DSCAML1: variants seen among roughly 807,000 people sequenced by gnomAD.
DSCAML1 encodes the protein DS cell adhesion molecule like 1, also known as cell adhesion molecule DSCAML1.
Under a neutral mutation model 200.5 loss-of-function variants are expected in DSCAML1, and 38 were observed. That is an observed-to-expected ratio of 0.19 (90% confidence interval 0.15 to 0.25). The LOEUF is 0.25. DSCAML1 is among the 10% of genes least tolerant of loss of function. The probability of loss-of-function intolerance (pLI) is 1.00; values close to 1 mark genes in which losing one functional copy is unlikely to be tolerated. For synonymous variants in DSCAML1, 1,215 were observed against 1,165.0 expected (o/e 1.04, Z -0.87); for missense variants, 2,223 against 2,858.8 (o/e 0.78, Z 5.07).
chr11:117,753,381 T>TG (rs1291812838), intron 3 of DSCAML1, among the ~76,000 whole-genome samples: 3 of 152,194 alleles, frequency 2.0e-5, no homozygotes, highest in African/African-American at 7.2e-5. Context: ...CTGCTATGTT[T>TG]GGGGCATGTC....
chr11:117,552,130 C>A (rs2050478830), intron 3 of DSCAML1, among the ~76,000 whole-genome samples: 1 of 151,916 alleles, frequency 6.6e-6, no homozygotes, highest in Admixed American at 6.5e-5. Context: ...GGTGGGCATG[C>A]ACCTGGAAGG....
chr11:117,605,944 C>T (rs1242989237), intron 3 of DSCAML1, among the ~76,000 whole-genome samples: 10 of 152,152 alleles, frequency 6.6e-5, no homozygotes, highest in Non-Finnish European at 2.9e-5. Flanking sequence ...GGGGTGTACA[C>T]CACCTAGTCC....
rs191815959 is a variant in DSCAML1, at chr11:117,726,883, A to G, written c.511+49908T>C. 1.6e-4 allele frequency among the ~76,000 whole-genome samples: 25 copies of G among 152,010 alleles called. 1 individual carries two copies. The highest frequency in any genetic ancestry group is 1.4e-3 in the Admixed American group (21 of 15,284). On this transcript the variant is annotated intron_variant, in intron 3 of 32. Transcript: ENST00000651296. ...ATAAGCAGCTCTATAGGGACAGGAG[A>G]CTTTAGGGTAGCAGCCAAAGCAACA...
rs1555187506 is a variant in DSCAML1 at position 117,587,255 on chromosome 11, C to CCCCT, written c.512-54734_512-54733insAGGG. Among the ~76,000 whole-genome samples the CCCCT allele has an allele frequency of 2.4e-3, 331 of 140,706 alleles. 6 individuals are homozygous for CCCCT. Among genetic ancestry groups the CCCCT allele is most frequent in the Non-Finnish European group, 2.1e-3 (135 of 65,386 alleles). The allele number at this position is 140,706 out of a possible 152,430, so 92.3% of individuals were successfully genotyped here. ...ATGAGCTCATTCGATTCTTTCCAAC[C>CCCCT]CCCCCCCACGATTTAGATACTATTA... On this transcript the variant is annotated intron_variant, in intron 3 of 32. Coordinates refer to ENST00000651296, the MANE Select transcript of DSCAML1 (RefSeq NM_020693.4).
At chr11:117,478,253 CG>C (rs2048836920) in intron 14 of DSCAML1, among the ~76,000 whole-genome samples, 1 of 151,874 alleles carries the variant, frequency 6.6e-6, no homozygotes, top group Non-Finnish European at 1.5e-5. Context: ...GGAGGAGGAA[CG>C]GGGGGAGGGG....
chr11:117,441,202 T>A (rs940581831), intron 21 of DSCAML1, among the ~76,000 whole-genome samples: 1 of 152,068 alleles, frequency 6.6e-6, no homozygotes, highest in African/African-American at 2.4e-5. Context: ...AGGTGAGTGA[T>A]GGCACCCTCA....
intron 3 of DSCAML1, among the ~76,000 whole-genome samples, chr11:117,776,066 T>C (rs2055124592): frequency 6.6e-6 from 1 of 152,130 alleles, no homozygotes; most frequent in Admixed American, 6.5e-5. Context: ...GTTTTGTAAA[T>C]GGAGGCCTAG....
chr11:117,708,351 C>A (rs898796828), intron 3 of DSCAML1, among the ~76,000 whole-genome samples: 4 of 152,166 alleles, frequency 2.6e-5, no homozygotes, highest in African/African-American at 9.7e-5. Flanking sequence ...TTTGTATAAA[C>A]CTGCTGTCAA....
intron 16 of DSCAML1, among the ~76,000 whole-genome samples, chr11:117,467,762 T>G (rs909098133): frequency 1.3e-5 from 2 of 152,170 alleles, no homozygotes; most frequent in African/African-American, 4.8e-5. Context: ...TGTATGTCTA[T>G]GCACACACAC....
At chr11:117,743,885 GGAAAACTCGTCTAT>G (rs1483064809) in intron 3 of DSCAML1, among the ~76,000 whole-genome samples, 2 of 152,120 alleles carry the variant, frequency 1.3e-5, no homozygotes, top group East Asian at 3.9e-4. Flanking sequence ...CCCACACCGA[GGAAAACTCGTCTAT>G]AAACTCTGCC....
chr11:117,444,077 C>A lies in DSCAML1; in HGVS notation c.3709-38G>T, dbSNP rs557022041. 57 of 1,576,728 alleles carry A rather than the reference C, an allele frequency of 3.6e-5. No individual in the cohort carries two copies. The South Asian group carries it at 5.1e-4, about 14-fold the overall frequency. On this transcript the variant is annotated intron_variant, in intron 20 of 32. Transcript: ENST00000651296. ...GGCAAAGAGGCTCTAAGAAGCAGAA[C>A]TGGGGCCCTCCAGCGTCCAAATCTT...
rs571062226 is a variant in DSCAML1, at chr11:117,542,610, T to C, written c.512-10088A>G. Among the ~76,000 whole-genome samples the C allele has an allele frequency of 2.0e-5, 3 of 152,342 alleles. No individual in the cohort carries two copies. The South Asian group carries it at 6.2e-4, about 32-fold the overall frequency. ...CTTTGGATTTGGAGAGAGATCCAGG[T>C]GAAATATCTTAAATTGTTATAAAAA... is the stretch of plus-strand genomic sequence containing the variant. On this transcript the variant is annotated intron_variant, in intron 3 of 32. Coordinates refer to ENST00000651296, the MANE Select transcript of DSCAML1 (RefSeq NM_020693.4).
intron 3 of DSCAML1, among the ~76,000 whole-genome samples, chr11:117,588,844 T>C (rs2051202156): frequency 6.6e-6 from 1 of 152,166 alleles, no homozygotes; most frequent in African/African-American, 2.4e-5. Flanking sequence ...CCTCCCTGCC[T>C]TCCTGCCCTT....
intron 3 of DSCAML1, among the ~76,000 whole-genome samples, chr11:117,691,130 T>C (rs1319744293): frequency 6.6e-6 from 1 of 152,190 alleles, no homozygotes; most frequent in Non-Finnish European, 1.5e-5. Flanking sequence ...TTTAGGGTGA[T>C]AATGAGTGGG....
intron 3 of DSCAML1, among the ~76,000 whole-genome samples, chr11:117,554,170 A>C (rs983127923): frequency 2.6e-5 from 4 of 152,116 alleles, no homozygotes; most frequent in African/African-American, 9.7e-5. Context: ...ATGGGGAGCT[A>C]TTGCTCATAG....
chr11:117,706,645 C>A (rs1751341677), intron 3 of DSCAML1, among the ~76,000 whole-genome samples: 1 of 152,224 alleles, frequency 6.6e-6, no homozygotes, highest in African/African-American at 2.4e-5. Context: ...CTCACCTGCA[C>A]ACAGGTGTGC....
At chr11:117,554,343 T>C (rs1001593255) in intron 3 of DSCAML1, among the ~76,000 whole-genome samples, 2 of 152,202 alleles carry the variant, frequency 1.3e-5, no homozygotes, top group East Asian at 1.9e-4. Flanking sequence ...AAAAGACAGA[T>C]ACCATGGACA....
chr11:117,610,840 A>AACC (rs1392416342), intron 3 of DSCAML1, among the ~76,000 whole-genome samples: 3 of 112,552 alleles, frequency 2.7e-5, no homozygotes, highest in Non-Finnish European at 3.6e-5. Context: ...AACCAAAACA[A>AACC]CCCCCCCCCC....
At position 117,464,919 on chromosome 11, in the gene DSCAML1, C is replaced by T. The variant is rs759475410; in HGVS notation, c.3265+23G>A. On this transcript the variant is annotated intron_variant, in intron 17 of 32. Transcript: ENST00000651296. ...TGCCCATGGCAGGAATCTGTGCCCA[C>T]TCCCTTCTGCTGGGGCCCTCACCAT... The T allele has an allele frequency of 6.2e-6, 10 of 1,609,440 alleles. No homozygotes were observed. In the South Asian group the frequency reaches 1.1e-4, roughly 18 times the overall value.
Sources: allele counts gnomAD v4.1 joint callset (sites outside exome capture counted in the v4.1 genomes callset), GRCh38; gene constraint gnomAD v4.1.1; transcripts MANE v1.5; gene names NCBI Gene and HGNC (gene_info 2026-07-23, HGNC 2026-07-21).